The following CDC40 variants were observed in gnomAD, a reference collection of about 807,000 sequenced individuals.
CDC40 encodes the protein cell division cycle 40, also known as pre-mRNA-processing factor 17.
CDC40 carries 27 observed loss-of-function variants against 80.6 expected under a neutral mutation model. The ratio of observed to expected loss-of-function variants is 0.33; its 90% CI spans 0.25 to 0.46. CDC40 has a LOEUF of 0.46. Ranked by LOEUF, CDC40 falls within the 20% of genes least tolerant of loss-of-function variation. The probability of loss-of-function intolerance (pLI) is 1.00; values close to 1 mark genes in which losing one functional copy is unlikely to be tolerated. For missense variants in CDC40, 486 were observed against 694.1 expected, an observed-to-expected ratio of 0.70 and a Z score of 3.37; for synonymous variants, 221 against 232.6, an observed-to-expected ratio of 0.95 and a Z score of 0.45.
chr6:110,193,240 C>A lies in CDC40; in HGVS notation c.248C>A (p.Pro83His). 1 of 1,606,900 alleles carries A rather than the reference C, an allele frequency of 6.2e-7. No homozygotes were observed. The highest frequency in any genetic ancestry group is 8.5e-7 in the Non-Finnish European group (1 of 1,173,576). ...DPAVKEVQYN[P>H]TYETMFAPEF... ...GCCGTCAAAGAAGTTCAGTATAATCCTACCTATGAGACCATGTTTGCTCCT... is the reference window on the plus strand; with the variant it reads ...GCCGTCAAAGAAGTTCAGTATAATCATACCTATGAGACCATGTTTGCTCCT... Residue 83 changes from proline to histidine, a missense_variant, in exon 2 of 15, where the codon CCT becomes CAT. Pro to His is a moderately conservative substitution (Grantham distance 77). Around this residue, in one of 3 missense-constraint regions of CDC40, gnomAD observed 381 missense variants for 492.1 expected, o/e 0.77. Transcript: ENST00000307731.
intron 9 of CDC40, among the ~76,000 whole-genome samples, chr6:110,216,631 C>T (rs189449246): frequency 7.9e-5 from 12 of 152,300 alleles, no homozygotes; most frequent in East Asian, 5.8e-4. Flanking sequence ...TACCATGACA[C>T]GTACCTCCTG....
At chr6:110,197,416 T>C (rs942011950) in intron 2 of CDC40, among the ~76,000 whole-genome samples, 16 of 152,264 alleles carry the variant, frequency 1.1e-4, no homozygotes, top group African/African-American at 3.9e-4. Flanking sequence ...CATTACTTCA[T>C]GTACTGATCA....
At chr6:110,198,366 A>G (rs1777446955) in intron 2 of CDC40, among the ~76,000 whole-genome samples, 1 of 151,916 alleles carries the variant, frequency 6.6e-6, no homozygotes, top group Non-Finnish European at 1.5e-5. Flanking sequence ...TCATAGAGAT[A>G]GGGTTTCACA....
At chr6:110,187,229 T>G (rs1777285033) in intron 1 of CDC40, among the ~76,000 whole-genome samples, 1 of 152,234 alleles carries the variant, frequency 6.6e-6, no homozygotes, top group Non-Finnish European at 1.5e-5. Context: ...GTTTTGCACT[T>G]TAGAAATCAT....
intron 13 of CDC40, among the ~76,000 whole-genome samples, chr6:110,227,112 A>G (rs1777874498): frequency 6.6e-6 from 1 of 152,244 alleles, no homozygotes; most frequent in Non-Finnish European, 1.5e-5. Context: ...AATTCACTAT[A>G]AAAGATTTTC....
Position 110,180,461 on chromosome 6 carries a change from C to T in CDC40, c.17C>T (p.Ala6Val). Residue 6 changes from alanine to valine, a missense_variant, in exon 1 of 15, where the codon GCA becomes GTA. Ala to Val is a moderately conservative substitution (Grantham distance 64, BLOSUM62 0). Around this residue, in one of 3 missense-constraint regions of CDC40, gnomAD observed 381 missense variants for 492.1 expected, o/e 0.77. Coordinates refer to ENST00000307731, the MANE Select transcript of CDC40 (RefSeq NM_015891.3). MSAAI[A>V]ALAASYGSGS... Reference sequence around the variant, plus strand: ...GTTGCCGTCATGTCGGCTGCGATTGCAGCTCTGGCCGCTTCCTATGGTTCG... The same window carrying T: ...GTTGCCGTCATGTCGGCTGCGATTGTAGCTCTGGCCGCTTCCTATGGTTCG... The T allele has an allele frequency of 6.2e-7, 1 of 1,614,176 alleles. No homozygotes were observed. The highest frequency in any genetic ancestry group is 1.1e-5 in the South Asian group (1 of 91,088).
chr6:110,196,033 G>C (rs1777415089), intron 2 of CDC40, among the ~76,000 whole-genome samples: 1 of 152,174 alleles, frequency 6.6e-6, no homozygotes. Flanking sequence ...AATTATTACT[G>C]TATGCCAGGT....
At chr6:110,198,256 C>T (rs1007711967) in intron 2 of CDC40, among the ~76,000 whole-genome samples, 4 of 151,044 alleles carry the variant, frequency 2.6e-5, no homozygotes, top group African/African-American at 9.8e-5. Context: ...CAGCTCACTA[C>T]AACCTCCGTC....
intron 1 of CDC40, among the ~76,000 whole-genome samples, chr6:110,181,389 C>T (rs913411604): frequency 1.2e-4 from 18 of 152,164 alleles, no homozygotes; most frequent in African/African-American, 3.4e-4. Flanking sequence ...TGTCTGGAGC[C>T]TGATGAGAGC....
In CDC40 at chr6:110,212,131, A is replaced by G; in HGVS notation, c.728-2A>G. 1 of 1,609,020 alleles carries G rather than the reference A, an allele frequency of 6.2e-7. No individual in the cohort carries two copies. The highest frequency in any genetic ancestry group is 8.5e-7 in the Non-Finnish European group (1 of 1,177,472). On this transcript the variant is annotated splice_acceptor_variant, in intron 6 of 14. Transcript: ENST00000307731. LOFTEE classifies it high-confidence loss of function. ...TTGATTTTCTTTGCCTTTTTGTTTC[A>G]GTTAAAGAAATGTATGACTATCAAG... is the stretch of plus-strand genomic sequence containing the variant.
intron 1 of CDC40, among the ~76,000 whole-genome samples, chr6:110,192,762 T>G (rs1388958285): frequency 1.3e-5 from 2 of 152,228 alleles, no homozygotes; most frequent in African/African-American, 4.8e-5. Context: ...CCCTGTCACT[T>G]CCTTTTGTTT....
chr6:110,217,652 A>T (rs1777717396), intron 9 of CDC40, 50 bp from the exon 10 acceptor site: 1 of 830,032 alleles, frequency 1.2e-6, no homozygotes, highest in Non-Finnish European at 2.1e-6. Flanking sequence ...TAAGAGAAGA[A>T]GATATATGAT....
chr6:110,192,776 C>G (rs1240316572), intron 1 of CDC40, among the ~76,000 whole-genome samples: 1 of 152,140 alleles, frequency 6.6e-6, no homozygotes, highest in African/African-American at 2.4e-5. Flanking sequence ...TTTGTTTCCT[C>G]TCCAGTACCC....
chr6:110,195,988 A>G (rs1777414469), intron 2 of CDC40, among the ~76,000 whole-genome samples: 1 of 152,216 alleles, frequency 6.6e-6, no homozygotes, highest in African/African-American at 2.4e-5. Flanking sequence ...ATTATGGAAA[A>G]GAACAGGGAT....
At position 110,215,308 on chromosome 6, in the gene CDC40, G is replaced by A. The variant is rs769950440; in HGVS notation, c.965G>A (p.Arg322Gln). The A allele has an allele frequency of 1.2e-5, 20 of 1,613,178 alleles. No individual in the cohort carries two copies. The South Asian group carries it at 1.8e-4, about 14-fold the overall frequency. Residue 322 changes from arginine to glutamine, a missense_variant, in exon 9 of 15, where the codon CGG becomes CAG. Arg to Gln is a conservative substitution (Grantham distance 43). Around this residue, in one of 3 missense-constraint regions of CDC40, gnomAD observed 381 missense variants for 492.1 expected, o/e 0.77. Transcript: ENST00000307731. ...CAGCTATGGGAGGTTTATGGAGAAC[G>A]GCGCTGTCTGAGAACATTTATTGGT... Reference protein sequence around the residue: ...KIKLWEVYGERRCLRTFIGHS... With the variant: ...KIKLWEVYGEQRCLRTFIGHS...
chr6:110,195,607 A>G (rs1777409445), intron 2 of CDC40, among the ~76,000 whole-genome samples: 3 of 152,206 alleles, frequency 2.0e-5, no homozygotes. Flanking sequence ...AATGTATGAT[A>G]TAGTTAAAAA....
At chr6:110,221,865 C>CTTTTTT (rs200106149) in intron 12 of CDC40, among the ~76,000 whole-genome samples, 2 of 121,264 alleles carry the variant, frequency 1.6e-5, no homozygotes, top group Non-Finnish European at 3.6e-5. Flanking sequence ...TAGTATGTTT[C>CTTTTTT]TTTTTTTTTT....
rs754103178 is a variant in CDC40 at position 110,212,208 on chromosome 6, C to T, written c.803C>T (p.Thr268Ile). The T allele has an allele frequency of 6.2e-7, 1 of 1,613,788 alleles. No individual in the cohort carries two copies. The highest frequency in any genetic ancestry group is 8.5e-7 in the Non-Finnish European group (1 of 1,179,684). The change falls in exon 7 of 15, where the codon ACT becomes ATT. Residue 268 changes from threonine to isoleucine, a missense_variant. Coordinates refer to ENST00000307731, the MANE Select transcript of CDC40 (RefSeq NM_015891.3). ...PQDVGVNLRS[T>I]MPPEKCYLPK... Reference sequence around the variant, plus strand: ...GATGTTGGTGTTAATCTACGGTCAACTATGCCACCTGAGAAGTGTTATCTT... The same window carrying T: ...GATGTTGGTGTTAATCTACGGTCAATTATGCCACCTGAGAAGTGTTATCTT...
intron 1 of CDC40, among the ~76,000 whole-genome samples, chr6:110,183,428 A>T (rs1225192616): frequency 1.3e-5 from 2 of 152,208 alleles, no homozygotes; most frequent in African/African-American, 4.8e-5. Flanking sequence ...GTTTGTCTAG[A>T]GCTCACTTAG....
Sources: allele counts gnomAD v4.1 joint callset (sites outside exome capture counted in the v4.1 genomes callset), GRCh38; gene constraint gnomAD v4.1.1; regional missense constraint gnomAD v4.1.1; transcripts MANE v1.5; gene names NCBI Gene and HGNC (gene_info 2026-07-23, HGNC 2026-07-21).